BAZ1A: variants seen among roughly 807,000 people sequenced by gnomAD.
BAZ1A encodes bromodomain adjacent to zinc finger domain 1A, also known as bromodomain adjacent to zinc finger domain protein 1A.
In BAZ1A, 50 loss-of-function variants were observed where a neutral mutation model predicts 185.2. The ratio of observed to expected loss-of-function variants is 0.27; its 90% confidence interval spans 0.22 to 0.34. BAZ1A has a LOEUF of 0.34. BAZ1A is among the 10% of genes least tolerant of loss of function. BAZ1A has a pLI of 1.00. For missense variants in BAZ1A, 1,356 were observed against 1,839.9 expected, an observed-to-expected ratio of 0.74 and a Z score of 4.81; for synonymous variants, 571 against 615.6, an observed-to-expected ratio of 0.93 and a Z score of 1.07.
chr14:34,757,878 C>T (rs1424812300), intron 25 of BAZ1A, among the ~76,000 whole-genome samples: 12 of 150,086 alleles, frequency 8.0e-5, no homozygotes, highest in African/African-American at 2.2e-4. Context: ...TCCCAAGTAG[C>T]GGGGACTACA....
chr14:34,761,673 A>G (rs1168249313), intron 24 of BAZ1A, 84 bp downstream of exon 24: 1 of 1,267,234 alleles, frequency 7.9e-7, no homozygotes, highest in Non-Finnish European at 1.1e-6. Context: ...CAGACTTTAA[A>G]AAATGATCCA....
chr14:34,860,616 T>G (rs968800492), intron 3 of BAZ1A, among the ~76,000 whole-genome samples: 7 of 150,084 alleles, frequency 4.7e-5, no homozygotes, highest in Non-Finnish European at 1.0e-4. Context: ...ATTAAGAAAT[T>G]AAGCCTTAGG....
At chr14:34,862,611 A>G (rs140752352) in intron 2 of BAZ1A, among the ~76,000 whole-genome samples, 1 of 152,270 alleles carries the variant, frequency 6.6e-6, no homozygotes, top group African/African-American at 2.4e-5. Context: ...AACTTTAAGC[A>G]GCTAACAAGA....
At chr14:34,807,624 C>T in intron 5 of BAZ1A, 86 bp from the exon 6 acceptor site, 1 of 895,924 alleles carries the variant, frequency 1.1e-6, no homozygotes, top group Admixed American at 2.7e-5. Flanking sequence ...AATTTGTAAC[C>T]TGAATTTCAG....
intron 23 of BAZ1A, among the ~76,000 whole-genome samples, chr14:34,762,689 C>CA (rs1886575246): frequency 6.6e-6 from 1 of 152,078 alleles, no homozygotes; most frequent in Non-Finnish European, 1.5e-5. Flanking sequence ...AGGCTGGTCT[C>CA]AAACTCCTGG....
At chr14:34,839,839 C>CAAAAAAAAAAAAAA (rs60954768) in intron 3 of BAZ1A, among the ~76,000 whole-genome samples, 3 of 106,682 alleles carry the variant, frequency 2.8e-5, no homozygotes, top group Non-Finnish European at 3.7e-5. Context: ...GCCTCTGTTT[C>CAAAAAAAAAAAAAA]AAAAAAAAAA....
chr14:34,792,205 G>A (rs895020493), intron 12 of BAZ1A, among the ~76,000 whole-genome samples: 1 of 152,130 alleles, frequency 6.6e-6, no homozygotes, highest in East Asian at 1.9e-4. Flanking sequence ...CCAACACAGT[G>A]AAACCCCGTC....
chr14:34,825,171 G>A (rs751082547), intron 4 of BAZ1A, among the ~76,000 whole-genome samples: 4 of 151,990 alleles, frequency 2.6e-5, no homozygotes, highest in Middle Eastern at 3.4e-3. Context: ...ACAAAAGTAG[G>A]GGCCAGATGT....
intron 12 of BAZ1A, among the ~76,000 whole-genome samples, chr14:34,791,037 G>A (rs1034898415): frequency 1.1e-4 from 17 of 151,996 alleles, no homozygotes; most frequent in African/African-American, 4.1e-4. Flanking sequence ...CAGGAGAATC[G>A]CTTGAACCCG....
At chr14:34,789,126 TTCA>T (rs1435061289) in intron 12 of BAZ1A, among the ~76,000 whole-genome samples, 2 of 152,240 alleles carry the variant, frequency 1.3e-5, no homozygotes, top group Non-Finnish European at 2.9e-5. Context: ...GACCTAAAAT[TTCA>T]TCAATGTTCA....
In BAZ1A at chr14:34,765,219, T is replaced by A; in HGVS notation, c.3351A>T (p.Arg1117Ser). Residue 1117 changes from arginine to serine, a missense_variant, in exon 22 of 27, where the codon AGA becomes AGT. Coordinates refer to ENST00000360310, the MANE Select transcript of BAZ1A (RefSeq NM_013448.3). ...GACTAGCAGAAGAAAGGAGAGACTC[T>A]CTCCAACGGTCCAGAACTGTTTTAT... ...RSYKTVLDRW[R>S]ESLLSSASLS... 1 of 1,614,114 alleles carries A rather than the reference T, an allele frequency of 6.2e-7. No individual in the cohort carries two copies. Among genetic ancestry groups the A allele is most frequent in the Non-Finnish European group, 8.5e-7 (1 of 1,180,028 alleles).
At chr14:34,771,891 G>A (rs1339833856) in intron 20 of BAZ1A, among the ~76,000 whole-genome samples, 1 of 152,158 alleles carries the variant, frequency 6.6e-6, no homozygotes, top group Non-Finnish European at 1.5e-5. Context: ...TCAGAGAGGT[G>A]ACATTGTGAT....
rs2042966852 is a variant in BAZ1A at position 34,872,643 on chromosome 14, T to C, written c.113+1849A>G. Among the ~76,000 whole-genome samples the C allele has an allele frequency of 2.0e-5, 3 of 152,140 alleles. No homozygotes were observed. In the South Asian group the frequency reaches 6.2e-4, roughly 32 times the overall value. On this transcript the variant is annotated intron_variant, in intron 2 of 26. Coordinates refer to ENST00000360310, the MANE Select transcript of BAZ1A (RefSeq NM_013448.3). ...AAAAATAATGGAAGACAGATAGTTC[T>C]GGAATGCGAAAAATCTGTATTTCAG...
At chr14:34,834,467 A>T (rs2042298191) in intron 3 of BAZ1A, among the ~76,000 whole-genome samples, 1 of 152,204 alleles carries the variant, frequency 6.6e-6, no homozygotes, top group Admixed American at 6.5e-5. Flanking sequence ...TAATTTGAGG[A>T]CTAATATATT....
At chr14:34,783,006 A>G (rs1880147194) in intron 16 of BAZ1A, 113 bp downstream of exon 16, 1 of 816,744 alleles carries the variant, frequency 1.2e-6, no homozygotes, top group Non-Finnish European at 2.0e-6. Flanking sequence ...TCATGTACCT[A>G]TAATAAAAAG....
intron 12 of BAZ1A, 186 bp from the exon 13 acceptor site, chr14:34,786,407 C>G (rs1880440923): frequency 1.8e-6 from 1 of 543,526 alleles, no homozygotes; most frequent in East Asian, 3.2e-5. Flanking sequence ...AATCCTAAAC[C>G]AAGCACTACA....
intron 8 of BAZ1A, 52 bp from the exon 9 acceptor site, chr14:34,800,442 G>C: frequency 7.3e-7 from 1 of 1,362,518 alleles, no homozygotes; most frequent in Non-Finnish European, 9.8e-7. Flanking sequence ...AATAACACTT[G>C]GCAATTTTTT....
chr14:34,777,336 T>C (rs995199500), intron 17 of BAZ1A, among the ~76,000 whole-genome samples: 2 of 152,214 alleles, frequency 1.3e-5, no homozygotes, highest in Non-Finnish European at 2.9e-5. Flanking sequence ...TTCTTCTTTT[T>C]TCCAGCCATT....
chr14:34,793,072 A>C, intron 11 of BAZ1A, 151 bp from the exon 12 acceptor site: 1 of 708,058 alleles, frequency 1.4e-6, no homozygotes, highest in Non-Finnish European at 2.2e-6. Flanking sequence ...TATCCAAGCC[A>C]AAATAAGAAT....
Sources: gnomAD v4.1 joint callset for allele counts (sites outside exome capture counted in the v4.1 genomes callset) on GRCh38, gnomAD v4.1.1 for gene constraint, MANE v1.5 for transcripts, NCBI Gene and HGNC (gene_info 2026-07-23, HGNC 2026-07-21) for gene names.